The following CCDC112 variants were observed in gnomAD, a reference collection of about 807,000 sequenced individuals.
The protein encoded by CCDC112 is coiled-coil domain-containing protein 112.
Under a neutral mutation model 66.3 loss-of-function variants are expected in CCDC112, and 40 were observed. The observed-to-expected ratio is 0.60, with a 90% CI of 0.47 to 0.79. CCDC112 has a LOEUF of 0.79. CCDC112 is among the 30% of genes least tolerant of loss of function. The pLI, the probability that CCDC112 is intolerant of heterozygous loss-of-function variation, is 0.00. For synonymous variants in CCDC112, 214 were observed against 197.2 expected (o/e 1.09, Z -0.71); for missense variants, 659 against 603.8 (o/e 1.09, Z -0.96).
chr5:115,275,093 G>A lies in CCDC112; in HGVS notation c.918+123C>T, dbSNP rs1410805146. 4.0e-6 allele frequency: 3 copies of A among 742,462 alleles called. No individual in the cohort carries two copies. In the Middle Eastern group the frequency reaches 1.2e-3, roughly 286 times the overall value. 46.0% of individuals were successfully genotyped at this position (742,462 alleles called of 1,614,324 possible). A position where few individuals can be genotyped will look rare whatever the true frequency, so the allele number is the denominator to read the frequency against. ...AGTTTCATCTTCTATTAGATTGTCG[G>A]GGGCGGGGAACTATAAACACACTTC... On this transcript the variant is annotated intron_variant, in intron 6 of 9. Transcript: ENST00000379611.
intron 8 of CCDC112, among the ~76,000 whole-genome samples, 184 bp from the exon 9 acceptor site, chr5:115,269,184 T>G (rs1748898177): frequency 6.6e-6 from 1 of 152,222 alleles, no homozygotes; most frequent in Non-Finnish European, 1.5e-5. Flanking sequence ...TACATCAATC[T>G]ATTCATAAAC....
chr5:115,284,679 A>G (rs916667374), intron 2 of CCDC112, 108 bp downstream of exon 2: 4 of 822,298 alleles, frequency 4.9e-6, no homozygotes, highest in Non-Finnish European at 7.4e-6. Flanking sequence ...AGTGATTACA[A>G]TTTTATAACT....
intron 2 of CCDC112, 67 bp from the exon 3 acceptor site, chr5:115,279,835 G>C: frequency 1.2e-6 from 1 of 851,090 alleles, no homozygotes; most frequent in Non-Finnish European, 1.8e-6. Flanking sequence ...AAAATATGAA[G>C]ACACTCAATA....
In CCDC112 at chr5:115,277,576, C is replaced by T. The variant is rs558804337; in HGVS notation, c.362-522G>A. Among the ~76,000 whole-genome samples the T allele has an allele frequency of 1.1e-4, 17 of 152,202 alleles. No individual in the cohort carries two copies. In the East Asian group the frequency reaches 3.3e-3, roughly 29 times the overall value. The stretch of plus-strand genomic sequence containing the variant: ...GTGATACTCATTGTTATCACTGGCA[C>T]GGCCCTGAGGAGGTGCCTCAGGTAT... On this transcript the variant is annotated intron_variant, in intron 3 of 9. Transcript: ENST00000379611.
Position 115,286,400 on chromosome 5 carries a change from T to TAC in CCDC112, c.118-1494_118-1493dup, listed in dbSNP as rs1447393920. 2.0e-5 allele frequency among the ~76,000 whole-genome samples: 3 copies of TAC among 152,254 alleles called. No homozygotes were observed. In the East Asian group the frequency reaches 5.8e-4, roughly 29 times the overall value. ...TCCATTCCTTCTTACAGCTGAATAA[T>TAC]ACTCCATTATATGGGTCTACCACAT... is the stretch of plus-strand genomic sequence containing the variant. On this transcript the variant is annotated intron_variant, in intron 1 of 9. Transcript: ENST00000379611.
In CCDC112 at chr5:115,271,536, GA is replaced by G; in HGVS notation, c.1008del (p.His337IlefsTer31). 1 of 1,608,814 alleles carries G rather than the reference GA, an allele frequency of 6.2e-7. No individual in the cohort carries two copies. Among genetic ancestry groups the G allele is most frequent in the African/African-American group, 1.3e-5 (1 of 74,574 alleles). ...KEKADNTPVL[F>X]HNKQEDNQKQ... is the part of the protein sequence containing the mutation. Reference sequence around the variant, plus strand: ...TTTTGATTATCCTCTTGTTTATTATGAAAAAGCACAGGTGTGTTGTCTGCCT... The same window carrying G: ...TTTTGATTATCCTCTTGTTTATTATGAAAAGCACAGGTGTGTTGTCTGCCT... On this transcript the variant is annotated frameshift_variant, in exon 7 of 10. Transcript: ENST00000379611. LOFTEE classifies it high-confidence loss of function.
chr5:115,271,634 ATTTT>A lies in CCDC112; in HGVS notation c.919-12_919-9del. 6.8e-7 allele frequency: 1 copy of A among 1,477,038 alleles called. No individual in the cohort carries two copies. Among genetic ancestry groups the A allele is most frequent in the Non-Finnish European group, 9.0e-7 (1 of 1,117,258 alleles). 91.5% of individuals were successfully genotyped at this position (1,477,038 alleles called of 1,614,324 possible). On this transcript the variant is annotated splice_polypyrimidine_tract_variant and intron_variant, in intron 6 of 9. Transcript: ENST00000379611. ...TTTCCAAATCTGAATTGACTAAATGATTTTTTTAAAAAAAGAAAGCAAGAGAAAA... is the reference window on the plus strand; with the variant it reads ...TTTCCAAATCTGAATTGACTAAATGATTTAAAAAAAGAAAGCAAGAGAAAA...
intron 6 of CCDC112, among the ~76,000 whole-genome samples, chr5:115,272,685 A>C (rs1178942665): frequency 6.6e-6 from 1 of 152,176 alleles, no homozygotes; most frequent in African/African-American, 2.4e-5. Flanking sequence ...TATTCACTGA[A>C]TTACCTTCCC....
intron 1 of CCDC112, among the ~76,000 whole-genome samples, chr5:115,290,660 A>G (rs952772275): frequency 6.6e-6 from 1 of 152,180 alleles, no homozygotes; most frequent in Non-Finnish European, 1.5e-5. Context: ...AATTTTTTGA[A>G]TAATTTTTAT....
chr5:115,285,233 CAA>C (rs1749627321), intron 1 of CCDC112, among the ~76,000 whole-genome samples: 1 of 151,962 alleles, frequency 6.6e-6, no homozygotes, highest in Non-Finnish European at 1.5e-5. Context: ...ACTAGGAAAA[CAA>C]TGATGATCTA....
chr5:115,291,297 T>C (rs567469351), intron 1 of CCDC112, among the ~76,000 whole-genome samples: 65 of 152,292 alleles, frequency 4.3e-4, no homozygotes, highest in African/African-American at 1.5e-3. Context: ...TTGATTTTCA[T>C]ATATTAAACC....
intron 2 of CCDC112, among the ~76,000 whole-genome samples, chr5:115,281,673 C>T (rs1028281668): frequency 1.3e-5 from 2 of 152,136 alleles, no homozygotes; most frequent in East Asian, 3.8e-4. Context: ...ATCACAAACT[C>T]AACTTACTTT....
chr5:115,279,831 T>C (rs1749376131), intron 2 of CCDC112, 63 bp from the exon 3 acceptor site: 3 of 876,078 alleles, frequency 3.4e-6, no homozygotes, highest in African/African-American at 1.7e-5. Context: ...GTTTAAAATA[T>C]GAAGACACTC....
chr5:115,290,401 A>T (rs1330777761), intron 1 of CCDC112, among the ~76,000 whole-genome samples: 3 of 152,222 alleles, frequency 2.0e-5, no homozygotes, highest in Admixed American at 6.5e-5. Flanking sequence ...TCTGAATTTA[A>T]CAAGTGTAAG....
intron 6 of CCDC112, 39 bp from the exon 7 acceptor site, chr5:115,271,665 A>G: frequency 7.3e-7 from 1 of 1,375,708 alleles, no homozygotes; most frequent in Non-Finnish European, 9.6e-7. Flanking sequence ...AAGAGAAAAA[A>G]GTTTTTTAAT....
intron 1 of CCDC112, among the ~76,000 whole-genome samples, chr5:115,287,702 T>TTG (rs1354444973): frequency 1.4e-5 from 2 of 146,588 alleles, no homozygotes; most frequent in African/African-American, 5.0e-5. Context: ...TTTCCTTTTT[T>TTG]TTTTTTTTTT....
At chr5:115,281,221 G>A (rs1273187872) in intron 2 of CCDC112, among the ~76,000 whole-genome samples, 2 of 151,902 alleles carry the variant, frequency 1.3e-5, no homozygotes, top group African/African-American at 4.8e-5. Context: ...ACAGAATTTC[G>A]CCATGTTGGC....
chr5:115,296,183 G>A, intron 1 of CCDC112: 1 of 1,265,966 alleles, frequency 7.9e-7, no homozygotes, highest in Non-Finnish European at 1.0e-6. Context: ...TTATCACGCG[G>A]CTAGGAAGCG....
At chr5:115,283,083 C>T (rs188985028) in intron 2 of CCDC112, among the ~76,000 whole-genome samples, 665 of 152,184 alleles carry the variant, frequency 4.4e-3, no homozygotes, top group Non-Finnish European at 7.3e-3. Flanking sequence ...GAATCTAATT[C>T]TATCTAGAGT....
Sources: allele counts gnomAD v4.1 joint callset (sites outside exome capture counted in the v4.1 genomes callset), GRCh38; gene constraint gnomAD v4.1.1; transcripts MANE v1.5; gene names NCBI Gene and HGNC (gene_info 2026-07-23, HGNC 2026-07-21).